The following PARM1 variants were observed in gnomAD, a reference collection of about 807,000 sequenced individuals.
The protein encoded by PARM1 is prostate androgen-regulated mucin-like protein 1.
PARM1 carries 14 observed loss-of-function variants against 24.6 expected under a neutral mutation model. That is an observed-to-expected ratio of 0.57 (90% CI 0.38 to 0.89). PARM1 has a LOEUF of 0.89. PARM1 is among the 40% of genes least tolerant of loss of function. The pLI, the probability that PARM1 is intolerant of heterozygous loss-of-function variation, is 0.00. For missense variants in PARM1, 362 were observed against 380.4 expected, an observed-to-expected ratio of 0.95 and a Z score of 0.40; for synonymous variants, 179 against 156.6, an observed-to-expected ratio of 1.14 and a Z score of -1.07.
intron 1 of PARM1, among the ~76,000 whole-genome samples, chr4:75,001,463 C>T (rs375240513): frequency 6.6e-6 from 1 of 152,162 alleles, no homozygotes; most frequent in Admixed American, 6.5e-5. Flanking sequence ...TAAGCATTAT[C>T]TTTGGAGAGT....
chr4:74,936,444 T>TTTTG (rs1721185898), intron 1 of PARM1, among the ~76,000 whole-genome samples: 1 of 13,030 alleles, frequency 7.7e-5, no homozygotes, highest in South Asian at 2.4e-3. Context: ...AAGTGTTTTT[T>TTTTG]TTTTGTTTGT....
intron 1 of PARM1, among the ~76,000 whole-genome samples, chr4:74,951,814 C>T (rs545807829): frequency 6.6e-6 from 1 of 152,328 alleles, no homozygotes; most frequent in South Asian, 2.1e-4. Context: ...GTATGTGCTA[C>T]ATTTTCTTTA....
Position 75,004,873 on chromosome 4 carries a change from T to C in PARM1, c.44-7552T>C, listed in dbSNP as rs377686430. Among the ~76,000 whole-genome samples the C allele has an allele frequency of 4.6e-5, 7 of 152,290 alleles. No homozygotes were observed. The South Asian group carries it at 8.3e-4, about 18-fold the overall frequency. ...CATTTCCCAATTCAATACTATAGAA[T>C]CATTAAAAAGCTGGTGGTTAAAAGT... On this transcript the variant is annotated intron_variant, in intron 1 of 3. Transcript: ENST00000307428.
At chr4:75,031,424 G>A (rs1723275690) in intron 2 of PARM1, among the ~76,000 whole-genome samples, 1 of 152,036 alleles carries the variant, frequency 6.6e-6, no homozygotes, top group Admixed American at 6.6e-5. Context: ...CTGTGGACAT[G>A]GAAGGGTGAC....
intron 1 of PARM1, among the ~76,000 whole-genome samples, chr4:74,944,521 TG>T (rs1374369619): frequency 6.6e-6 from 1 of 152,134 alleles, no homozygotes; most frequent in Non-Finnish European, 1.5e-5. Flanking sequence ...CTTGTGGTGC[TG>T]GAGGACAGGT....
At chr4:75,027,471 TA>T (rs993039722) in intron 2 of PARM1, among the ~76,000 whole-genome samples, 2 of 151,920 alleles carry the variant, frequency 1.3e-5, no homozygotes, top group Non-Finnish European at 1.5e-5. Context: ...CCAATAATGG[TA>T]AAATTAAGAT....
rs1286364313 is a variant in PARM1 at position 75,013,147 on chromosome 4, TC to T, written c.767del (p.Ser256Ter). 1 of 1,610,328 alleles carries T rather than the reference TC, an allele frequency of 6.2e-7. No homozygotes were observed. The highest frequency in any genetic ancestry group is 8.5e-7 in the Non-Finnish European group (1 of 1,178,314). On this transcript the variant is annotated frameshift_variant and splice_region_variant, in exon 2 of 4. Coordinates refer to ENST00000307428, the MANE Select transcript of PARM1 (RefSeq NM_015393.4). LOFTEE classifies it high-confidence loss of function. ...IMQEVEHALSSGSIAAITVTV... is the reference protein window; with the variant it reads ...IMQEVEHALSXGSIAAITVTV... Reference sequence around the variant, plus strand: ...GCAGGAAGTAGAACATGCATTAAGTTCAGGTGAGTCTCTATCCAGTCCACTA... The same window carrying T: ...GCAGGAAGTAGAACATGCATTAAGTTAGGTGAGTCTCTATCCAGTCCACTA...
intron 1 of PARM1, among the ~76,000 whole-genome samples, chr4:75,008,172 T>A (rs1722808034): frequency 1.2e-4 from 18 of 152,238 alleles, no homozygotes; most frequent in Admixed American, 1.2e-3. Flanking sequence ...CAGAGGCTTC[T>A]AAAGCCTCAT....
At chr4:75,042,775 C>A (rs1007479986) in intron 3 of PARM1, among the ~76,000 whole-genome samples, 3 of 152,018 alleles carry the variant, frequency 2.0e-5, no homozygotes, top group Non-Finnish European at 4.4e-5. Context: ...TCCAATTTGT[C>A]CAAACCTGGC....
chr4:75,002,078 A>G (rs931430907), intron 1 of PARM1, among the ~76,000 whole-genome samples: 4 of 152,234 alleles, frequency 2.6e-5, no homozygotes, highest in African/African-American at 9.6e-5. Flanking sequence ...GGAGCTGACC[A>G]CTTAAAGGGC....
intron 1 of PARM1, among the ~76,000 whole-genome samples, chr4:74,978,545 A>G (rs1722181855): frequency 6.6e-6 from 1 of 152,190 alleles, no homozygotes; most frequent in Non-Finnish European, 1.5e-5. Context: ...ATTATGAGAT[A>G]GATCATCAAG....
chr4:74,986,049 G>A (rs1424214287), intron 1 of PARM1, among the ~76,000 whole-genome samples: 2 of 152,214 alleles, frequency 1.3e-5, no homozygotes, highest in Non-Finnish European at 2.9e-5. Context: ...TTACAGGCAT[G>A]AGCCACTGCA....
rs1723601508 is a variant in PARM1, at chr4:75,046,298, C to T, written c.*51C>T. On this transcript the variant is annotated 3_prime_UTR_variant, in exon 4 of 4. Coordinates refer to ENST00000307428, the MANE Select transcript of PARM1 (RefSeq NM_015393.4). ...ATTAACTGTTCTTTATTTATAAGTG[C>T]TTATCCAGTAGAATTAATAAGTACC... 1.7e-6 allele frequency: 2 copies of T among 1,186,806 alleles called. No homozygotes were observed. The highest frequency in any genetic ancestry group is 2.5e-6 in the Non-Finnish European group (2 of 796,616). 73.5% of individuals were successfully genotyped at this position (1,186,806 alleles called of 1,614,324 possible).
chr4:75,029,270 A>G (rs571061664), intron 2 of PARM1, among the ~76,000 whole-genome samples: 2 of 152,314 alleles, frequency 1.3e-5, no homozygotes, highest in African/African-American at 4.8e-5. Flanking sequence ...GACAAGGCTG[A>G]CCAGGAGTTT....
At chr4:75,017,114 T>C (rs1397864260) in intron 2 of PARM1, among the ~76,000 whole-genome samples, 1 of 152,184 alleles carries the variant, frequency 6.6e-6, no homozygotes, top group Non-Finnish European at 1.5e-5. Context: ...TCTGGGCTGA[T>C]CGCCTCCCGT....
At chr4:75,033,991 G>C (rs751065132) in intron 3 of PARM1, 30 bp downstream of exon 3, 2 of 1,549,418 alleles carry the variant, frequency 1.3e-6, no homozygotes, top group Admixed American at 1.9e-5. Context: ...TAAAAAAAAG[G>C]GATTCTGTTT....
intron 1 of PARM1, among the ~76,000 whole-genome samples, chr4:74,991,049 C>T (rs1722457282): frequency 6.6e-6 from 1 of 152,122 alleles, no homozygotes; most frequent in Admixed American, 6.6e-5. Context: ...TATATATTTT[C>T]AACATGTGCA....
chr4:75,019,412 A>G (rs1213908777), intron 2 of PARM1, among the ~76,000 whole-genome samples: 1 of 152,236 alleles, frequency 6.6e-6, no homozygotes, highest in African/African-American at 2.4e-5. Context: ...TAAAATCCAC[A>G]TGTCCACTGG....
chr4:74,975,544 T>C (rs1177758545), intron 1 of PARM1, among the ~76,000 whole-genome samples: 1 of 152,236 alleles, frequency 6.6e-6, no homozygotes, highest in Non-Finnish European at 1.5e-5. Context: ...GAGAAGTTTA[T>C]AAAATGCATG....
Sources: gnomAD v4.1 joint callset for allele counts (sites outside exome capture counted in the v4.1 genomes callset) on GRCh38, gnomAD v4.1.1 for gene constraint, MANE v1.5 for transcripts, NCBI Gene and HGNC (gene_info 2026-07-23, HGNC 2026-07-21) for gene names.